The following RASA3 variants were observed in gnomAD, a reference collection of about 807,000 sequenced individuals.
The protein encoded by RASA3 is RAS p21 protein activator 3, also known as ras GTPase-activating protein 3.
In RASA3, 73 loss-of-function variants were observed where a neutral mutation model predicts 110.0. That is an observed-to-expected ratio of 0.66 (90% CI 0.55 to 0.81). RASA3 has a LOEUF of 0.81. RASA3 is among the 30% of genes least tolerant of loss of function. The pLI is 0.00. For missense variants in RASA3, 976 were observed against 1,113.2 expected, an observed-to-expected ratio of 0.88 and a Z score of 1.75; for synonymous variants, 500 against 451.4, an observed-to-expected ratio of 1.11 and a Z score of -1.37.
chr13:114,039,515 C>T (rs1253309499), intron 4 of RASA3, among the ~76,000 whole-genome samples: 1 of 152,248 alleles, frequency 6.6e-6, no homozygotes, highest in Non-Finnish European at 1.5e-5. Flanking sequence ...TACACTCAGA[C>T]ACTTACTGTG....
chr13:114,082,917 A>G (rs1055081798), intron 1 of RASA3, among the ~76,000 whole-genome samples: 2 of 152,340 alleles, frequency 1.3e-5, no homozygotes, highest in Admixed American at 6.5e-5. Context: ...AAACTCACAG[A>G]GCTAATTGAT....
At chr13:114,016,567 A>G (rs2053797085) in intron 12 of RASA3, among the ~76,000 whole-genome samples, 1 of 152,320 alleles carries the variant, frequency 6.6e-6, no homozygotes, top group Admixed American at 6.5e-5. Flanking sequence ...CACGGGGCCC[A>G]GTCCATGGCC....
At chr13:114,128,571 AT>A (rs2080479464) in intron 1 of RASA3, among the ~76,000 whole-genome samples, 1 of 152,176 alleles carries the variant, frequency 6.6e-6, no homozygotes, top group African/African-American at 2.4e-5. Context: ...TTCAGGTGGG[AT>A]TCTGTTTGTG....
At chr13:114,038,961 A>G (rs1352883603) in intron 4 of RASA3, among the ~76,000 whole-genome samples, 1 of 152,218 alleles carries the variant, frequency 6.6e-6, no homozygotes, top group Non-Finnish European at 1.5e-5. Context: ...CTCCAGGTGT[A>G]AAAATAACCA....
At chr13:114,002,670 G>A (rs1236482331) in intron 18 of RASA3, among the ~76,000 whole-genome samples, 1 of 152,186 alleles carries the variant, frequency 6.6e-6, no homozygotes, top group Non-Finnish European at 1.5e-5. Context: ...AGTGGATGAG[G>A]CTGCATGTGA....
chr13:114,093,920 T>G (rs1323198204), intron 1 of RASA3, among the ~76,000 whole-genome samples: 2 of 152,160 alleles, frequency 1.3e-5, no homozygotes, highest in African/African-American at 4.8e-5. Context: ...TACTTCAATC[T>G]GTTAACTTTC....
At chr13:114,013,067 C>A in intron 15 of RASA3, 75 bp downstream of exon 15, 2 of 1,282,558 alleles carry the variant, frequency 1.6e-6, no homozygotes, top group Non-Finnish European at 2.2e-6. Flanking sequence ...CCCCCTACAG[C>A]CACGCAGATG....
chr13:114,069,571 T>C (rs1173064215), intron 2 of RASA3, among the ~76,000 whole-genome samples: 4 of 962 alleles, frequency 4.2e-3, no homozygotes, highest in African/African-American at 6.0e-3. Context: ...TTGGGAGACT[T>C]GGGGGTCGGG....
intron 4 of RASA3, among the ~76,000 whole-genome samples, chr13:114,030,585 C>T (rs529654457): frequency 2.6e-5 from 4 of 152,318 alleles, no homozygotes; most frequent in East Asian, 3.9e-4. Flanking sequence ...TCTAGCAGAG[C>T]AGACAGCAAG....
intron 3 of RASA3, among the ~76,000 whole-genome samples, chr13:114,043,571 C>T (rs61973888): frequency 0.12 from 17,933 of 152,158 alleles, 1,245 homozygotes; most frequent in South Asian, 0.16. Context: ...ATCGGCTCAG[C>T]TCTTGCCACA....
intron 1 of RASA3, among the ~76,000 whole-genome samples, chr13:114,116,957 T>TGCACGTGTGTGAGGGGA (rs2080287505): frequency 1.1e-5 from 1 of 93,836 alleles, no homozygotes; most frequent in Non-Finnish European, 2.0e-5. Context: ...GTGTGAGGGG[T>TGCACGTGTGTGAGGGGA]GCACGTGTGT....
chr13:114,111,975 C>T (rs1225073600), intron 1 of RASA3, among the ~76,000 whole-genome samples: 1 of 152,106 alleles, frequency 6.6e-6, no homozygotes, highest in Non-Finnish European at 1.5e-5. Context: ...TATCTAATTC[C>T]AAGGAACAGG....
In RASA3 at chr13:114,013,147, GGT is replaced by G; in HGVS notation, c.1505_1506del (p.His502ProfsTer32). On this transcript the variant is annotated frameshift_variant, in exon 15 of 24. Transcript: ENST00000334062. LOFTEE classifies it high-confidence loss of function. ...TCCCTCAGCCGGTCACTCACCGTGT[GGT>G]GCGGCGTGAGCTGGAAGAGGTTGGG... Reference protein sequence around the residue: ...LSPNLFQLTPHHTDPQTSRTL... With the variant: ...LSPNLFQLTPXHTDPQTSRTL... The G allele has an allele frequency of 6.2e-7, 1 of 1,612,392 alleles. No homozygotes were observed.
chr13:114,046,206 A>G (rs1198387328), intron 3 of RASA3, among the ~76,000 whole-genome samples: 2 of 152,256 alleles, frequency 1.3e-5, no homozygotes, highest in Non-Finnish European at 2.9e-5. Context: ...TGGTATTGGC[A>G]TGAGGACAGG....
rs933830328 is a variant in RASA3 at position 114,037,100 on chromosome 13, G to A, written c.372+3900C>T. 4.6e-5 allele frequency among the ~76,000 whole-genome samples: 7 copies of A among 152,338 alleles called. No homozygotes were observed. The South Asian group carries it at 1.2e-3, about 27-fold the overall frequency. On this transcript the variant is annotated intron_variant, in intron 4 of 23. Coordinates refer to ENST00000334062, the MANE Select transcript of RASA3 (RefSeq NM_007368.4). Reference sequence around the variant, plus strand: ...ACAGTGAGAGTCAGGCTTGGAGGACGCTGGGCTTGGCCACGGGTACGCAGC... The same window carrying A: ...ACAGTGAGAGTCAGGCTTGGAGGACACTGGGCTTGGCCACGGGTACGCAGC...
intron 1 of RASA3, among the ~76,000 whole-genome samples, chr13:114,117,125 A>T (rs1337786520): frequency 1.9e-5 from 1 of 53,398 alleles, no homozygotes; most frequent in Non-Finnish European, 3.5e-5. Flanking sequence ...TGTGTGAGGG[A>T]TGCATGTGTG....
intron 1 of RASA3, among the ~76,000 whole-genome samples, chr13:114,124,403 C>T (rs1332008751): frequency 1.3e-5 from 2 of 152,244 alleles, no homozygotes; most frequent in Admixed American, 1.3e-4. Flanking sequence ...ACTCTGATGC[C>T]GTTTGACCAA....
At chr13:114,064,831 C>T (rs370001803) in intron 2 of RASA3, among the ~76,000 whole-genome samples, 10 of 152,380 alleles carry the variant, frequency 6.6e-5, no homozygotes, top group African/African-American at 1.9e-4. Context: ...AGGCGGCCCC[C>T]ACTCACCGCC....
intron 1 of RASA3, among the ~76,000 whole-genome samples, chr13:114,128,667 G>T (rs1033469147): frequency 6.6e-6 from 1 of 152,268 alleles, no homozygotes; most frequent in Non-Finnish European, 1.5e-5. Context: ...GCGGTTCAAT[G>T]TTGGGCCAGA....
Sources: gnomAD v4.1 joint callset for allele counts (sites outside exome capture counted in the v4.1 genomes callset) on GRCh38, gnomAD v4.1.1 for gene constraint, MANE v1.5 for transcripts, NCBI Gene and HGNC (gene_info 2026-07-23, HGNC 2026-07-21) for gene names.